ST6GALNAC3: variants seen among roughly 807,000 people sequenced by gnomAD.
The protein encoded by ST6GALNAC3 is alpha-N-acetylgalactosaminide alpha-2,6-sialyltransferase 3.
ST6GALNAC3 carries 25 observed loss-of-function variants against 32.7 expected under a neutral mutation model. The ratio of observed to expected loss-of-function variants is 0.76; its 90% confidence interval spans 0.56 to 1.07. The LOEUF (loss-of-function observed/expected upper bound fraction) is 1.07, where lower values mean the gene tolerates loss of function less well. Among genes scored for constraint, ST6GALNAC3 ranks in the 50% least tolerant of loss-of-function variants. The probability of loss-of-function intolerance (pLI) is 0.00; values close to 1 mark genes in which losing one functional copy is unlikely to be tolerated. For missense variants in ST6GALNAC3, 355 were observed against 382.4 expected, an observed-to-expected ratio of 0.93 and a Z score of 0.60; for synonymous variants, 129 against 133.1, an observed-to-expected ratio of 0.97 and a Z score of 0.21.
intron 2 of ST6GALNAC3, among the ~76,000 whole-genome samples, chr1:76,346,842 T>C (rs1429157168): frequency 6.6e-6 from 1 of 152,212 alleles, no homozygotes; most frequent in East Asian, 1.9e-4. Context: ...GTTCTTAGCA[T>C]AGTCCCTGGC....
intron 3 of ST6GALNAC3, among the ~76,000 whole-genome samples, chr1:76,422,095 T>G (rs1655065522): frequency 6.6e-6 from 1 of 151,976 alleles, no homozygotes; most frequent in African/African-American, 2.4e-5. Flanking sequence ...TTTCTCCTAC[T>G]GGGATATGAG....
intron 1 of ST6GALNAC3, among the ~76,000 whole-genome samples, chr1:76,283,889 G>A (rs1459428110): frequency 1.3e-5 from 2 of 152,148 alleles, no homozygotes; most frequent in African/African-American, 4.8e-5. Context: ...GATTCAAATT[G>A]TTTGGAAATT....
intron 1 of ST6GALNAC3, among the ~76,000 whole-genome samples, chr1:76,285,911 C>T (rs1259376302): frequency 6.6e-5 from 10 of 152,114 alleles, no homozygotes; most frequent in Admixed American, 4.6e-4. Flanking sequence ...CACACCCCCG[C>T]GCCCCCTCCC....
At chr1:76,397,983 C>T (rs181430213) in intron 2 of ST6GALNAC3, among the ~76,000 whole-genome samples, 4 of 152,150 alleles carry the variant, frequency 2.6e-5, no homozygotes, top group African/African-American at 7.2e-5. Flanking sequence ...TAATACTTCC[C>T]TTCACCCTGC....
intron 3 of ST6GALNAC3, among the ~76,000 whole-genome samples, chr1:76,607,183 G>T (rs1468302225): frequency 6.6e-6 from 1 of 152,182 alleles, no homozygotes. Flanking sequence ...CAGCCAAATG[G>T]AAGAGATCCA....
intron 1 of ST6GALNAC3, among the ~76,000 whole-genome samples, chr1:76,186,372 G>A (rs1220999895): frequency 6.6e-6 from 1 of 152,104 alleles, no homozygotes; most frequent in Non-Finnish European, 1.5e-5. Flanking sequence ...TGACTACTGA[G>A]AAAAGAATTA....
intron 3 of ST6GALNAC3, among the ~76,000 whole-genome samples, chr1:76,518,281 A>G (rs1662292442): frequency 6.6e-6 from 1 of 152,032 alleles, no homozygotes; most frequent in Admixed American, 6.5e-5. Flanking sequence ...GTGAATCTTC[A>G]TGTTCGACCA....
intron 1 of ST6GALNAC3, among the ~76,000 whole-genome samples, chr1:76,093,684 C>G (rs1488658051): frequency 3.3e-5 from 5 of 152,200 alleles, no homozygotes; most frequent in Non-Finnish European, 7.3e-5. Flanking sequence ...TCCTCCTCTA[C>G]TGGAGACAAC....
intron 3 of ST6GALNAC3, among the ~76,000 whole-genome samples, chr1:76,481,343 ACT>A (rs1456952912): frequency 6.6e-6 from 1 of 152,140 alleles, no homozygotes; most frequent in East Asian, 1.9e-4. Flanking sequence ...GTTTCAACAA[ACT>A]CTAACTTGAA....
intron 1 of ST6GALNAC3, chr1:76,142,775 G>A (rs1050828120): frequency 9.0e-6 from 4 of 443,800 alleles, no homozygotes; most frequent in Non-Finnish European, 1.3e-5. Flanking sequence ...GAATGCAATA[G>A]GCAGAACTTG....
chr1:76,531,963 C>A (rs1251337723), intron 3 of ST6GALNAC3, among the ~76,000 whole-genome samples: 3 of 152,098 alleles, frequency 2.0e-5, no homozygotes, highest in Non-Finnish European at 4.4e-5. Context: ...AAGAAACTAG[C>A]CAAACACAGC....
chr1:76,171,076 T>C (rs1229882671), intron 1 of ST6GALNAC3, among the ~76,000 whole-genome samples: 1 of 146,606 alleles, frequency 6.8e-6, no homozygotes, highest in Non-Finnish European at 1.5e-5. Context: ...TGAACAGTTA[T>C]TCATTGAGAG....
At chr1:76,164,677 G>A (rs1182055608) in intron 1 of ST6GALNAC3, among the ~76,000 whole-genome samples, 1 of 152,100 alleles carries the variant, frequency 6.6e-6, no homozygotes, top group African/African-American at 2.4e-5. Context: ...TTCAAATTAT[G>A]TACTTACAGT....
In ST6GALNAC3 at chr1:76,582,244, T is replaced by G. The variant is rs549271014; in HGVS notation, c.624-45208T>G. ...CTTAATTTATTTCTAATTTTTCCAG[T>G]GACACAATGGATATAAATGAAAGTT... On this transcript the variant is annotated intron_variant, in intron 3 of 4. Transcript: ENST00000328299. 4.6e-5 allele frequency among the ~76,000 whole-genome samples: 7 copies of G among 152,282 alleles called. No individual in the cohort carries two copies. The East Asian group carries it at 1.4e-3, about 29-fold the overall frequency.
At chr1:76,118,479 CA>C (rs925849186) in intron 1 of ST6GALNAC3, among the ~76,000 whole-genome samples, 7 of 152,138 alleles carry the variant, frequency 4.6e-5, no homozygotes, top group Non-Finnish European at 8.8e-5. Flanking sequence ...ATTTTATAGA[CA>C]GAAATTGCAA....
intron 1 of ST6GALNAC3, among the ~76,000 whole-genome samples, chr1:76,231,099 C>T (rs1336768486): frequency 6.6e-6 from 1 of 152,128 alleles, no homozygotes; most frequent in African/African-American, 2.4e-5. Context: ...GACACTGCTG[C>T]TTTCTCTCTC....
At chr1:76,311,559 C>T (rs1435496107) in intron 1 of ST6GALNAC3, among the ~76,000 whole-genome samples, 1 of 152,076 alleles carries the variant, frequency 6.6e-6, no homozygotes, top group African/African-American at 2.4e-5. Flanking sequence ...TGTTAGTTTG[C>T]TGAGAGTGAT....
chr1:76,277,135 A>C (rs1438451001), intron 1 of ST6GALNAC3, among the ~76,000 whole-genome samples: 1 of 152,158 alleles, frequency 6.6e-6, no homozygotes, highest in Non-Finnish European at 1.5e-5. Flanking sequence ...AAATTCTTTT[A>C]ATAAACTAAA....
intron 1 of ST6GALNAC3, among the ~76,000 whole-genome samples, chr1:76,287,416 C>A (rs1165802207): frequency 3.8e-5 from 5 of 133,002 alleles, no homozygotes; most frequent in African/African-American, 1.5e-4. Flanking sequence ...CATTTGATGG[C>A]ACCAGCTGAG....
Sources: allele counts gnomAD v4.1 joint callset (sites outside exome capture counted in the v4.1 genomes callset), GRCh38; gene constraint gnomAD v4.1.1; transcripts MANE v1.5; gene names NCBI Gene and HGNC (gene_info 2026-07-23, HGNC 2026-07-21).